FCHSD2: variants seen among roughly 807,000 people sequenced by gnomAD.
FCHSD2 encodes the protein FCH and double SH3 domains 2.
A neutral mutation model predicts 108.1 loss-of-function variants in FCHSD2; 38 were observed. The observed-to-expected ratio is 0.35, with a 90% CI of 0.27 to 0.46. The LOEUF is 0.46. FCHSD2 is among the 20% of genes least tolerant of loss of function. The pLI, the probability that FCHSD2 is intolerant of heterozygous loss-of-function variation, is 1.00. For missense variants in FCHSD2, 751 were observed against 897.8 expected (o/e 0.84, Z 2.09); for synonymous variants, 279 against 314.7 (o/e 0.89, Z 1.20).
At chr11:73,104,004 A>G (rs576063958) in intron 2 of FCHSD2, among the ~76,000 whole-genome samples, 1 of 152,378 alleles carries the variant, frequency 6.6e-6, no homozygotes, top group African/African-American at 2.4e-5. Context: ...ATACAAAAAT[A>G]CAAATAAATG....
chr11:72,989,146 C>T (rs747279943), intron 5 of FCHSD2, 49 bp from the exon 6 acceptor site: 5 of 1,497,660 alleles, frequency 3.3e-6, no homozygotes, highest in Non-Finnish European at 3.6e-6. Context: ...TTCAGGCTTA[C>T]AGAAAATGAC....
At chr11:72,956,408 CAG>C (rs1362951614) in intron 8 of FCHSD2, among the ~76,000 whole-genome samples, 3 of 152,168 alleles carry the variant, frequency 2.0e-5, no homozygotes, top group Non-Finnish European at 4.4e-5. Flanking sequence ...AGGATATTGG[CAG>C]AGTCTCCCCA....
rs77705768 is a variant in FCHSD2, at chr11:72,838,607, A to C, written c.*184T>G. 6.7e-3 allele frequency: 4,007 copies of C among 598,082 alleles called. 28 individuals are homozygous for C. The highest frequency in any genetic ancestry group is 0.014 in the South Asian group (711 of 49,036). 37.0% of individuals were successfully genotyped at this position (598,082 alleles called of 1,614,324 possible). On this transcript the variant is annotated 3_prime_UTR_variant, in exon 20 of 20. Transcript: ENST00000409418. Reference sequence around the variant, plus strand: ...GAAATGACATAGAAAATGACAACAAAAAAAAAAGGCACGAAATATTCAAAA... The same window carrying C: ...GAAATGACATAGAAAATGACAACAACAAAAAAAGGCACGAAATATTCAAAA...
At chr11:73,126,381 C>T in intron 2 of FCHSD2, among the ~76,000 whole-genome samples, 1 of 71,206 alleles carries the variant, frequency 1.4e-5, no homozygotes, top group Admixed American at 1.6e-4. Flanking sequence ...TTCCACAATA[C>T]AGAAAGAAAG....
In FCHSD2 at chr11:73,035,185, TGTATGTATGTATGTATGTAC is replaced by T. The variant is rs1441230454; in HGVS notation, c.166-19320_166-19301del. Among the ~76,000 whole-genome samples the T allele has an allele frequency of 1.4e-3, 199 of 139,600 alleles. 1 individual carries two copies. The highest frequency in any genetic ancestry group is 7.0e-3 in the Middle Eastern group (2 of 286). 91.6% of individuals were successfully genotyped at this position (139,600 alleles called of 152,430 possible). ...ATGTATGTATGTATGTATGTATGTA[TGTATGTATGTATGTATGTAC>T]GTACTAAGACAAGGTCTCGCTCTGT... On this transcript the variant is annotated intron_variant, in intron 3 of 19. Transcript: ENST00000409418.
chr11:73,049,136 G>A (rs540159314), intron 3 of FCHSD2, among the ~76,000 whole-genome samples: 1 of 152,316 alleles, frequency 6.6e-6, no homozygotes, highest in African/African-American at 2.4e-5. Context: ...AAAAGACGTA[G>A]TGGTTTTTGA....
intron 4 of FCHSD2, among the ~76,000 whole-genome samples, chr11:73,013,506 A>C (rs1378739935): frequency 1.3e-5 from 2 of 152,228 alleles, no homozygotes. Flanking sequence ...GCTGACATGT[A>C]GTAGGTATTT....
chr11:73,025,992 TTATG>T (rs200477185), intron 3 of FCHSD2, among the ~76,000 whole-genome samples: 11,297 of 149,420 alleles, frequency 0.076, 566 homozygotes, highest in African/African-American at 0.14. Context: ...GAGATTCATT[TTATG>T]TATGTATGTA....
At chr11:73,118,851 C>G (rs1860665451) in intron 2 of FCHSD2, among the ~76,000 whole-genome samples, 1 of 152,154 alleles carries the variant, frequency 6.6e-6, no homozygotes, top group African/African-American at 2.4e-5. Flanking sequence ...AAGTAACTTA[C>G]CCAAGGTCAT....
intron 2 of FCHSD2, among the ~76,000 whole-genome samples, chr11:73,111,053 G>GT (rs1860471914): frequency 6.6e-6 from 1 of 151,702 alleles, no homozygotes; most frequent in African/African-American, 2.4e-5. Context: ...TTATTTCAGG[G>GT]GTTTTTTTTA....
intron 3 of FCHSD2, among the ~76,000 whole-genome samples, chr11:73,067,032 C>T (rs531069723): frequency 2.3e-4 from 35 of 152,270 alleles, no homozygotes; most frequent in African/African-American, 7.9e-4. Flanking sequence ...GACACATGCA[C>T]ACGTATGTTT....
chr11:72,941,233 CA>C, intron 8 of FCHSD2: 1 of 243,312 alleles, frequency 4.1e-6, no homozygotes, highest in Non-Finnish European at 8.0e-6. Flanking sequence ...GAGTCTTGTT[CA>C]CTATGTGTCC....
chr11:72,897,124 C>T (rs367837031), intron 10 of FCHSD2, among the ~76,000 whole-genome samples: 2 of 152,132 alleles, frequency 1.3e-5, no homozygotes, highest in Non-Finnish European at 2.9e-5. Flanking sequence ...TGAGCCACCA[C>T]GCCCGGCCGT....
At chr11:72,875,385 C>A (rs554192391) in intron 12 of FCHSD2, among the ~76,000 whole-genome samples, 2 of 152,282 alleles carry the variant, frequency 1.3e-5, no homozygotes, top group African/African-American at 4.8e-5. Flanking sequence ...ATTTATTTGA[C>A]AGAGTCTCGC....
chr11:73,004,623 C>A (rs1857701419), intron 4 of FCHSD2, among the ~76,000 whole-genome samples: 1 of 152,158 alleles, frequency 6.6e-6, no homozygotes. Context: ...TTTACCCTTG[C>A]CTCTTTCTCT....
At chr11:73,089,193 T>C (rs1240697603) in intron 2 of FCHSD2, among the ~76,000 whole-genome samples, 4 of 152,208 alleles carry the variant, frequency 2.6e-5, no homozygotes, top group African/African-American at 9.6e-5. Context: ...AATCTCCATG[T>C]AAGATGAAAA....
chr11:72,870,457 A>G (rs975257086), intron 12 of FCHSD2, among the ~76,000 whole-genome samples: 1 of 151,872 alleles, frequency 6.6e-6, no homozygotes, highest in Non-Finnish European at 1.5e-5. Flanking sequence ...GGCTCTACCA[A>G]TTCTTTCAAG....
At chr11:72,866,312 C>G (rs1854722732) in intron 13 of FCHSD2, among the ~76,000 whole-genome samples, 1 of 152,004 alleles carries the variant, frequency 6.6e-6, no homozygotes, top group Non-Finnish European at 1.5e-5. Flanking sequence ...TCTTGTCACC[C>G]AGGCTGGAGT....
At chr11:72,915,442 C>T (rs1282918193) in intron 9 of FCHSD2, among the ~76,000 whole-genome samples, 1 of 152,154 alleles carries the variant, frequency 6.6e-6, no homozygotes, top group Non-Finnish European at 1.5e-5. Context: ...AAGACATATG[C>T]CTGCTTATGT....
Sources: allele counts gnomAD v4.1 joint callset (sites outside exome capture counted in the v4.1 genomes callset), GRCh38; gene constraint gnomAD v4.1.1; transcripts MANE v1.5; gene names NCBI Gene and HGNC (gene_info 2026-07-23, HGNC 2026-07-21).